Variants in GLG1 observed in about 807,000 individuals in gnomAD.
The protein encoded by GLG1 is Golgi apparatus protein 1.
A neutral mutation model predicts 160.5 loss-of-function variants in GLG1; 38 were observed. The observed-to-expected ratio is 0.24, with a 90% CI of 0.18 to 0.31. The LOEUF (loss-of-function observed/expected upper bound fraction) is 0.31. Among genes scored for constraint, GLG1 ranks in the 10% least tolerant of loss-of-function variants. The probability of loss-of-function intolerance (pLI) is 1.00; values close to 1 mark genes in which losing one functional copy is unlikely to be tolerated. For synonymous variants in GLG1, 644 were observed against 543.4 expected (o/e 1.19, Z -2.57); for missense variants, 1,373 against 1,505.2 (o/e 0.91, Z 1.45).
At chr16:74,480,213 A>T in intron 11 of GLG1, 28 bp downstream of exon 11, 1 of 1,549,612 alleles carries the variant, frequency 6.5e-7, no homozygotes, top group Non-Finnish European at 8.9e-7. Context: ...GACAAGAAGA[A>T]GAAATGAAGT....
intron 1 of GLG1, among the ~76,000 whole-genome samples, chr16:74,535,428 G>C (rs1472234374): frequency 6.6e-6 from 1 of 152,094 alleles, no homozygotes; most frequent in Non-Finnish European, 1.5e-5. Flanking sequence ...TCTTATTTTT[G>C]CATTCATTCA....
At chr16:74,553,380 T>C (rs1432221207) in intron 1 of GLG1, among the ~76,000 whole-genome samples, 1 of 152,234 alleles carries the variant, frequency 6.6e-6, no homozygotes, top group Admixed American at 6.5e-5. Flanking sequence ...CTTCAAAATT[T>C]GACTATTCTG....
At chr16:74,603,273 G>C (rs971407451) in intron 1 of GLG1, among the ~76,000 whole-genome samples, 6 of 151,752 alleles carry the variant, frequency 4.0e-5, no homozygotes, top group Non-Finnish European at 7.4e-5. Flanking sequence ...AGCTGGGCGA[G>C]GTGGTGCGTG....
At chr16:74,582,655 C>T (rs1230530953) in intron 1 of GLG1, among the ~76,000 whole-genome samples, 1 of 151,404 alleles carries the variant, frequency 6.6e-6, no homozygotes, top group Non-Finnish European at 1.5e-5. Context: ...CCTGTCTCTA[C>T]TAAAAATACA....
intron 19 of GLG1, among the ~76,000 whole-genome samples, chr16:74,465,013 A>G (rs2014947645): frequency 6.6e-6 from 1 of 151,952 alleles, no homozygotes; most frequent in Admixed American, 6.6e-5. Context: ...TAATTTTTGT[A>G]TTTTTAGTAG....
At chr16:74,514,341 G>A (rs140471070) in intron 2 of GLG1, among the ~76,000 whole-genome samples, 1 of 152,208 alleles carries the variant, frequency 6.6e-6, no homozygotes, top group South Asian at 2.1e-4. Flanking sequence ...ATAATTGTCA[G>A]ATTCACCAAG....
chr16:74,482,392 G>A (rs1042819776), intron 10 of GLG1, among the ~76,000 whole-genome samples: 13 of 152,280 alleles, frequency 8.5e-5, no homozygotes, highest in Middle Eastern at 3.4e-3. Context: ...AGAAGCAGTT[G>A]GATCCAGCAC....
intron 1 of GLG1, among the ~76,000 whole-genome samples, chr16:74,602,580 G>A (rs184870523): frequency 1.6e-3 from 243 of 151,906 alleles, no homozygotes; most frequent in African/African-American, 5.5e-3. Context: ...TCAGGAGTTC[G>A]AGACTAGCCT....
At chr16:74,596,106 T>C (rs1033456611) in intron 1 of GLG1, among the ~76,000 whole-genome samples, 4 of 151,896 alleles carry the variant, frequency 2.6e-5, no homozygotes, top group African/African-American at 9.7e-5. Context: ...TAGGCAGTAT[T>C]CCAAATTTGG....
intron 12 of GLG1, among the ~76,000 whole-genome samples, chr16:74,475,584 T>C (rs920521864): frequency 1.3e-5 from 2 of 152,232 alleles, no homozygotes; most frequent in African/African-American, 4.8e-5. Context: ...GAGCTATCTG[T>C]AGCATTAGTC....
In GLG1 at chr16:74,447,621, A is replaced by T. The variant is rs2143068978; in HGVS notation, c.*5546T>A. ...TTTACAAAAGAGGCTTGTTAATTGT[A>T]TTTTTTTCTTTCTTTCAAAAACAAA... On this transcript the variant is annotated 3_prime_UTR_variant, in exon 26 of 26. Transcript: ENST00000422840. 1 of 152,336 alleles carries T rather than the reference A, an allele frequency of 6.6e-6. No homozygotes were observed. Among genetic ancestry groups the T allele is most frequent in the East Asian group, 1.9e-4 (1 of 5,188 alleles). 9.4% of individuals were successfully genotyped at this position (152,336 alleles called of 1,614,324 possible).
intron 9 of GLG1, among the ~76,000 whole-genome samples, chr16:74,484,602 A>G (rs530931243): frequency 6.6e-6 from 1 of 152,080 alleles, no homozygotes; most frequent in East Asian, 1.9e-4. Context: ...CTCTACTAAA[A>G]ACACAAAAAT....
At chr16:74,507,735 C>CA (rs1231052569) in intron 3 of GLG1, among the ~76,000 whole-genome samples, 72 of 142,888 alleles carry the variant, frequency 5.0e-4, no homozygotes, top group Non-Finnish European at 6.9e-4. Flanking sequence ...GACTCCATCT[C>CA]AAAAAAAAAA....
intron 1 of GLG1, among the ~76,000 whole-genome samples, chr16:74,569,912 A>G (rs1011214312): frequency 2.0e-5 from 3 of 151,056 alleles, no homozygotes; most frequent in Non-Finnish European, 3.0e-5. Context: ...GCCGGGCGCA[A>G]TGGCTCACAC....
intron 1 of GLG1, among the ~76,000 whole-genome samples, chr16:74,605,975 T>C (rs1958556053): frequency 6.6e-6 from 1 of 152,292 alleles, no homozygotes; most frequent in Admixed American, 6.5e-5. Flanking sequence ...ACGACAAATG[T>C]AGATTTCATT....
chr16:74,554,123 A>G (rs1356468640), intron 1 of GLG1, among the ~76,000 whole-genome samples: 2 of 152,220 alleles, frequency 1.3e-5, no homozygotes, highest in Non-Finnish European at 2.9e-5. Context: ...ATAACTAGGG[A>G]ATTACCTTTC....
chr16:74,553,621 T>C (rs1370902252), intron 1 of GLG1, among the ~76,000 whole-genome samples: 1 of 151,890 alleles, frequency 6.6e-6, no homozygotes, highest in Non-Finnish European at 1.5e-5. Context: ...TACAGGTGCC[T>C]GCCACCACGC....
rs1241267648 is a variant in GLG1 at position 74,548,274 on chromosome 16, C to T, written c.439-16121G>A. ...AACCATAACATCACAAAGCAGGCAA[C>T]GGCATAAATGATTTTGCTGGCATAA... On this transcript the variant is annotated intron_variant, in intron 1 of 25. Transcript: ENST00000422840. Among the ~76,000 whole-genome samples the T allele has an allele frequency of 2.6e-5, 4 of 152,336 alleles. 1 individual carries two copies. In the South Asian group the frequency reaches 6.2e-4, roughly 24 times the overall value.
chr16:74,464,267 A>C (rs891268404), intron 19 of GLG1, among the ~76,000 whole-genome samples: 2 of 152,136 alleles, frequency 1.3e-5, no homozygotes, highest in Non-Finnish European at 2.9e-5. Flanking sequence ...TACAGCCCTC[A>C]AGCCCTACCT....
Sources: allele counts gnomAD v4.1 joint callset (sites outside exome capture counted in the v4.1 genomes callset), GRCh38; gene constraint gnomAD v4.1.1; transcripts MANE v1.5; gene names NCBI Gene and HGNC (gene_info 2026-07-23, HGNC 2026-07-21).